The following AGAP1 variants were observed in gnomAD, a reference collection of about 807,000 sequenced individuals.
AGAP1 encodes arf-GAP with GTPase, ANK repeat and PH domain-containing protein 1.
Under a neutral mutation model 105.3 loss-of-function variants are expected in AGAP1, and 29 were observed. The ratio of observed to expected loss-of-function variants is 0.28; its 90% CI spans 0.21 to 0.38. The LOEUF is 0.38. AGAP1 is among the 10% of genes least tolerant of loss of function. The pLI, the probability that AGAP1 is intolerant of heterozygous loss-of-function variation, is 1.00. For synonymous variants in AGAP1, 509 were observed against 485.9 expected (o/e 1.05, Z -0.63); for missense variants, 998 against 1,165.1 (o/e 0.86, Z 2.09).
At chr2:236,117,836 A>G (rs2059807415) in intron 16 of AGAP1, among the ~76,000 whole-genome samples, 1 of 152,134 alleles carries the variant, frequency 6.6e-6, no homozygotes, top group African/African-American at 2.4e-5. Context: ...CTGTCTCCTG[A>G]ACCCGTATTT....
At chr2:235,856,435 C>T (rs1339758651) in intron 9 of AGAP1, among the ~76,000 whole-genome samples, 1 of 152,240 alleles carries the variant, frequency 6.6e-6, no homozygotes, top group Non-Finnish European at 1.5e-5. Context: ...TCCGATCCCT[C>T]TGGGTTGGGG....
intron 1 of AGAP1, among the ~76,000 whole-genome samples, chr2:235,654,637 C>T (rs2316913): frequency 0.47 from 72,015 of 151,980 alleles, 17,197 homozygotes; most frequent in Middle Eastern, 0.55. Context: ...TTTAAAGTGA[C>T]GTGAACTAGT....
In AGAP1 at chr2:236,038,909, G is replaced by A. The variant is rs190709129; in HGVS notation, c.1801-1842G>A. The stretch of plus-strand genomic sequence containing the variant: ...TGTTTAAACATATTTTGAATACTTG[G>A]GTATCTAACCAAAGGGAATTAAAAT... On this transcript the variant is annotated intron_variant, in intron 14 of 17. Coordinates refer to ENST00000304032, the MANE Select transcript of AGAP1 (RefSeq NM_001037131.3). This position sits in a 1 kb window ranked among gnomAD's most constrained non-coding sequence, Gnocchi z 4.5. Among the ~76,000 whole-genome samples, 4 of 151,482 alleles carry A rather than the reference G, an allele frequency of 2.6e-5. No homozygotes were observed. In the East Asian group the frequency reaches 7.8e-4, roughly 29 times the overall value.
At chr2:235,748,343 G>A (rs1234949820) in intron 5 of AGAP1, among the ~76,000 whole-genome samples, 1 of 151,994 alleles carries the variant, frequency 6.6e-6, no homozygotes, top group African/African-American at 2.4e-5. Flanking sequence ...TGTGGCCTGT[G>A]TTTTCAAAAT....
At chr2:235,999,679 T>TAGTGATTGTGGTGACGATGGTGAGA (rs1205723454) in intron 13 of AGAP1, among the ~76,000 whole-genome samples, 7 of 151,730 alleles carry the variant, frequency 4.6e-5, no homozygotes, top group South Asian at 2.1e-4. Flanking sequence ...ATGGTGGTGG[T>TAGTGATTGTGGTGACGATGGTGAGA]GGTGGTCGTG....
chr2:235,534,342 G>A (rs1392921218), intron 1 of AGAP1, among the ~76,000 whole-genome samples: 1 of 152,200 alleles, frequency 6.6e-6, no homozygotes, highest in Non-Finnish European at 1.5e-5. Flanking sequence ...TCGCTGCTGT[G>A]ATGATAGGGG....
chr2:235,636,115 G>GTAAATAAATAAATAAATAAA (rs10587179), intron 1 of AGAP1, among the ~76,000 whole-genome samples: 52 of 144,056 alleles, frequency 3.6e-4, no homozygotes, highest in African/African-American at 1.2e-3. Context: ...CTCTGTCTCA[G>GTAAATAAATAAATAAATAAA]TAAATAAATA....
Position 235,601,000 on chromosome 2 carries a change from C to T in AGAP1, c.163+106151C>T, listed in dbSNP as rs57942958. ...GCCCCAGATCTCAGAGTCCTGGTAA[C>T]GCCTCTCCTCTTCTCACTGCCTTCA... On this transcript the variant is annotated intron_variant, in intron 1 of 17. Coordinates refer to ENST00000304032, the MANE Select transcript of AGAP1 (RefSeq NM_001037131.3). The surrounding 1 kb of genome is among the most constrained non-coding windows in gnomAD (Gnocchi z 4.8). 9.3e-3 allele frequency among the ~76,000 whole-genome samples: 1,409 copies of T among 151,454 alleles called. 26 individuals are homozygous for T. The highest frequency in any genetic ancestry group is 0.032 in the African/African-American group (1,339 of 41,530).
intron 6 of AGAP1, among the ~76,000 whole-genome samples, chr2:235,760,576 CCTTT>C (rs1290714110): frequency 2.0e-5 from 3 of 151,902 alleles, no homozygotes; most frequent in Admixed American, 1.3e-4. Flanking sequence ...TTAGAGTTGC[CCTTT>C]CTTTTTATTA....
At chr2:235,978,670 G>C (rs2054959124) in intron 13 of AGAP1, among the ~76,000 whole-genome samples, 1 of 152,170 alleles carries the variant, frequency 6.6e-6, no homozygotes, top group Admixed American at 6.5e-5. Flanking sequence ...AGGCTTCAGG[G>C]GGTTGGAGTG....
Position 235,807,311 on chromosome 2 carries a change from C to G in AGAP1, c.1030C>G (p.Arg344Gly). Residue 344 changes from arginine (R) to glycine (G), a missense_variant, in exon 9 of 18, where the codon CGA becomes GGA. By Grantham distance (125) the Arg-to-Gly change is moderately radical (BLOSUM62 -2). This residue lies in a region of AGAP1 where 735 missense variants were observed against 833.4 expected (regional missense o/e 0.88). Coordinates refer to ENST00000304032, the MANE Select transcript of AGAP1 (RefSeq NM_001037131.3). ...TCGTGCGGACAGCATTGGGAGCGGC[C>G]GAGCCATCCCAATTAAACAGGTGAG... Reference protein sequence around the residue: ...ESRADSIGSGRAIPIKQGMLL... With the variant: ...ESRADSIGSGGAIPIKQGMLL... 1 of 1,598,334 alleles carries G rather than the reference C, an allele frequency of 6.3e-7. No homozygotes were observed. The highest frequency in any genetic ancestry group is 8.5e-7 in the Non-Finnish European group (1 of 1,175,992).
At chr2:236,074,277 G>A (rs575032014) in intron 16 of AGAP1, among the ~76,000 whole-genome samples, 1 of 152,252 alleles carries the variant, frequency 6.6e-6, no homozygotes, top group Non-Finnish European at 1.5e-5. Context: ...AAGACCCCCG[G>A]GGAGCCCCTG....
chr2:236,117,799 A>G (rs907067604), intron 16 of AGAP1, among the ~76,000 whole-genome samples: 2 of 152,210 alleles, frequency 1.3e-5, no homozygotes, highest in Non-Finnish European at 2.9e-5. Context: ...AGGCCTTTAA[A>G]ATAGTATCAG....
At position 235,714,096 on chromosome 2, in the gene AGAP1, C is replaced by T. The variant is rs1950978988; in HGVS notation, c.223-3461C>T. 6.6e-6 allele frequency among the ~76,000 whole-genome samples: 1 copy of T among 152,172 alleles called. No homozygotes were observed. Among genetic ancestry groups the T allele is most frequent in the South Asian group, 2.1e-4 (1 of 4,828 alleles). Reference sequence around the variant, plus strand: ...TGGTGCAATCTCAGCTCACTGCAACCTCTGCCTCCCGGGTTCAAGTGATTC... The same window carrying T: ...TGGTGCAATCTCAGCTCACTGCAACTTCTGCCTCCCGGGTTCAAGTGATTC... On this transcript the variant is annotated intron_variant, in intron 2 of 17. Transcript: ENST00000304032. This position sits in a 1 kb window ranked among gnomAD's most constrained non-coding sequence, Gnocchi z 4.1.
intron 8 of AGAP1, among the ~76,000 whole-genome samples, chr2:235,802,777 T>G (rs1007196963): frequency 2.0e-4 from 23 of 113,690 alleles, no homozygotes; most frequent in Admixed American, 7.8e-4. Flanking sequence ...TGATGATGGT[T>G]GTGGTTGTGA....
chr2:235,800,014 T>G (rs1390653612), intron 8 of AGAP1, among the ~76,000 whole-genome samples: 2 of 152,086 alleles, frequency 1.3e-5, no homozygotes, highest in Admixed American at 6.5e-5. Context: ...TTGGGTTTTT[T>G]GCTGTAGAGC....
In AGAP1 at chr2:235,951,036, T is replaced by C. The variant is rs772544139; in HGVS notation, c.1484-17426T>C. ...ATATTCTAATAGTATCTAATAGTAA[T>C]GGTGAATTACTCATAGTTTTCTGCT... On this transcript the variant is annotated intron_variant, in intron 12 of 17. Coordinates refer to ENST00000304032, the MANE Select transcript of AGAP1 (RefSeq NM_001037131.3). This position sits in a 1 kb window ranked among gnomAD's most constrained non-coding sequence, Gnocchi z 4.2. Among the ~76,000 whole-genome samples the C allele has an allele frequency of 1.3e-5, 2 of 152,086 alleles. No individual in the cohort carries two copies. Among genetic ancestry groups the C allele is most frequent in the Non-Finnish European group, 2.9e-5 (2 of 68,024 alleles).
rs746136764 is a variant in AGAP1, at chr2:235,655,249, T to G, written c.164-53930T>G. ...CAGGTCGTTGTCTCCATTTTTGTTC[T>G]TTAAAGCACTTTATTCCATTGGGAT... On this transcript the variant is annotated intron_variant, in intron 1 of 17. Transcript: ENST00000304032. The surrounding 1 kb of genome is among the most constrained non-coding windows in gnomAD (Gnocchi z 4.3). 6.6e-6 allele frequency among the ~76,000 whole-genome samples: 1 copy of G among 152,206 alleles called. No individual in the cohort carries two copies. Among genetic ancestry groups the G allele is most frequent in the Non-Finnish European group, 1.5e-5 (1 of 68,038 alleles).
In AGAP1 at chr2:235,946,233, GTTATGTGT is replaced by G. The variant is rs566766717; in HGVS notation, c.1483+15315_1483+15322del. Among the ~76,000 whole-genome samples the G allele has an allele frequency of 6.4e-3, 961 of 150,914 alleles. 10 individuals are homozygous for G. The highest frequency in any genetic ancestry group is 0.022 in the African/African-American group (913 of 41,104). On this transcript the variant is annotated intron_variant, in intron 12 of 17. Transcript: ENST00000304032. ...TACCCTTCCAGTTTGTGTGTGTGTGGTTATGTGTTTATTCCCCCAAAGTGGATTGGATC... is the reference window on the plus strand; with the variant it reads ...TACCCTTCCAGTTTGTGTGTGTGTGGTTATTCCCCCAAAGTGGATTGGATC...
Sources: allele counts gnomAD v4.1 joint callset (sites outside exome capture counted in the v4.1 genomes callset), GRCh38; gene constraint gnomAD v4.1.1; regional missense constraint gnomAD v4.1.1; non-coding constraint Gnocchi (gnomAD v3.1); transcripts MANE v1.5; gene names NCBI Gene and HGNC (gene_info 2026-07-23, HGNC 2026-07-21).